COLEC12: variants seen among roughly 807,000 people sequenced by gnomAD.
The protein encoded by COLEC12 is collectin subfamily member 12.
A neutral mutation model predicts 71.1 loss-of-function variants in COLEC12; 33 were observed. The observed-to-expected ratio is 0.46, with a 90% CI of 0.35 to 0.62. The LOEUF (loss-of-function observed/expected upper bound fraction) is 0.62, where lower values mean the gene tolerates loss of function less well. COLEC12 is among the 20% of genes least tolerant of loss of function. The probability of loss-of-function intolerance (pLI) is 0.00; values close to 1 mark genes in which losing one functional copy is unlikely to be tolerated. For missense variants in COLEC12, 765 were observed against 916.1 expected (o/e 0.84, Z 2.13); for synonymous variants, 350 against 353.0 (o/e 0.99, Z 0.10).
chr18:338,984 A>ATTTTTTTTTTTTTT (rs33991062), intron 5 of COLEC12, among the ~76,000 whole-genome samples: 1 of 144,486 alleles, frequency 6.9e-6, no homozygotes, highest in Non-Finnish European at 1.5e-5. Context: ...TATTGTCTTA[A>ATTTTTTTTTTTTTT]TTTTTTTTTT....
intron 3 of COLEC12, 69 bp from the exon 4 acceptor site, chr18:348,232 G>C: frequency 1.0e-6 from 1 of 959,684 alleles, no homozygotes; most frequent in Admixed American, 1.9e-5. Flanking sequence ...TTCAAAACAA[G>C]AGATCATTTC....
At chr18:344,991 A>G (rs1914338831) in intron 5 of COLEC12, among the ~76,000 whole-genome samples, 1 of 152,236 alleles carries the variant, frequency 6.6e-6, no homozygotes, top group African/African-American at 2.4e-5. Context: ...ACAGGGGCTT[A>G]TTAACTACCA....
chr18:364,013 G>T (rs1033315780), intron 2 of COLEC12, among the ~76,000 whole-genome samples: 1 of 152,068 alleles, frequency 6.6e-6, no homozygotes, highest in South Asian at 2.1e-4. Context: ...TGTTCAAACC[G>T]GAAAAGTTAC....
At position 443,174 on chromosome 18, in the gene COLEC12, C is replaced by T. The variant is rs528664774; in HGVS notation, c.58+37533G>A. ...TATTCTGTATGTATATATTCTCTTT[C>T]CAATTGCTTTGTAAGCTCTTAAAAA... On this transcript the variant is annotated intron_variant, in intron 2 of 9. Transcript: ENST00000400256. Among the ~76,000 whole-genome samples the T allele has an allele frequency of 2.0e-5, 3 of 152,326 alleles. 1 individual carries two copies. The South Asian group carries it at 6.2e-4, about 32-fold the overall frequency.
chr18:462,166 T>C (rs954512823), intron 2 of COLEC12, among the ~76,000 whole-genome samples: 2 of 152,184 alleles, frequency 1.3e-5, no homozygotes, highest in Non-Finnish European at 2.9e-5. Context: ...AGTTATCATG[T>C]GCCTCAGCAA....
chr18:371,001 A>G (rs780389725), intron 2 of COLEC12, among the ~76,000 whole-genome samples: 18 of 152,250 alleles, frequency 1.2e-4, no homozygotes, highest in Non-Finnish European at 2.4e-4. Context: ...GAAGAATACA[A>G]TGAAGTCTGG....
At chr18:394,420 T>C (rs1282234219) in intron 2 of COLEC12, among the ~76,000 whole-genome samples, 1 of 152,242 alleles carries the variant, frequency 6.6e-6, no homozygotes, top group East Asian at 1.9e-4. Flanking sequence ...GCTAGAACAG[T>C]GGGTTTCTCG....
At position 357,355 on chromosome 18, in the gene COLEC12, A is replaced by G. The variant is rs777021620; in HGVS notation, c.181+45T>C. On this transcript the variant is annotated intron_variant, in intron 3 of 9. Coordinates refer to ENST00000400256, the MANE Select transcript of COLEC12 (RefSeq NM_130386.3). ...GAGTTTTCTCATGCTTAAATTAATG[A>G]AGGAACACTTGTTATTTGGAAGAAA... The G allele has an allele frequency of 1.0e-5, 16 of 1,555,576 alleles. No individual in the cohort carries two copies. The South Asian group carries it at 1.7e-4, about 17-fold the overall frequency.
intron 2 of COLEC12, among the ~76,000 whole-genome samples, chr18:420,117 T>C (rs1257888657): frequency 6.6e-6 from 1 of 151,958 alleles, no homozygotes. Context: ...CAGAGGAGAG[T>C]TGTGTCTGCT....
At position 404,522 on chromosome 18, in the gene COLEC12, G is replaced by A. The variant is rs1055225812; in HGVS notation, c.59-47000C>T. On this transcript the variant is annotated intron_variant, in intron 2 of 9. Coordinates refer to ENST00000400256, the MANE Select transcript of COLEC12 (RefSeq NM_130386.3). ...ATGGAGTCACACATGAATTTAAAGTGGGACGAAGGGTGGTGTTGTGGGAAG... is the reference window on the plus strand; with the variant it reads ...ATGGAGTCACACATGAATTTAAAGTAGGACGAAGGGTGGTGTTGTGGGAAG... Among the ~76,000 whole-genome samples the A allele has an allele frequency of 2.6e-5, 4 of 152,178 alleles. No individual in the cohort carries two copies. The East Asian group carries it at 7.7e-4, about 29-fold the overall frequency.
chr18:339,168 C>T (rs1253981601), intron 5 of COLEC12, among the ~76,000 whole-genome samples: 1 of 152,134 alleles, frequency 6.6e-6, no homozygotes, highest in Non-Finnish European at 1.5e-5. Flanking sequence ...TCCAGAACAC[C>T]TTCTTCTAGC....
In COLEC12 at chr18:319,419, C is replaced by T. The variant is rs1567871143; in HGVS notation, c.*626G>A. The stretch of plus-strand genomic sequence containing the variant: ...CCACAATTGAAAAAATTCTTTGCCA[C>T]TGGGTAGAATTAAATCTGACAGGAA... On this transcript the variant is annotated 3_prime_UTR_variant, in exon 10 of 10. Transcript: ENST00000400256. 1.4e-5 allele frequency: 2 copies of T among 140,508 alleles called. No homozygotes were observed. Among genetic ancestry groups the T allele is most frequent in the African/African-American group, 5.3e-5 (2 of 37,968 alleles). 8.7% of individuals were successfully genotyped at this position (140,508 alleles called of 1,614,324 possible).
chr18:500,625 C>T lies in COLEC12; in HGVS notation c.-111G>A, dbSNP rs1483220863. On this transcript the variant is annotated 5_prime_UTR_variant, in exon 1 of 10. Coordinates refer to ENST00000400256, the MANE Select transcript of COLEC12 (RefSeq NM_130386.3). This position sits in a 1 kb window ranked among gnomAD's most constrained non-coding sequence, Gnocchi z 5.3. Reference sequence around the variant, plus strand: ...GCACGCCCATGGTAGCCGCGCCGCGCGCCGGCCGTCTGCGCCCCCGTCCTC... The same window carrying T: ...GCACGCCCATGGTAGCCGCGCCGCGTGCCGGCCGTCTGCGCCCCCGTCCTC... The T allele has an allele frequency of 5.4e-6, 5 of 923,280 alleles. No homozygotes were observed. Among genetic ancestry groups the T allele is most frequent in the Non-Finnish European group, 4.1e-6 (3 of 725,882 alleles). 57.2% of individuals were successfully genotyped at this position (923,280 alleles called of 1,614,324 possible). A position where few individuals can be genotyped will look rare whatever the true frequency, so the allele number is the denominator to read the frequency against.
At chr18:411,487 G>C (rs1242448846) in intron 2 of COLEC12, among the ~76,000 whole-genome samples, 1 of 151,238 alleles carries the variant, frequency 6.6e-6, no homozygotes, top group African/African-American at 2.4e-5. Context: ...CAAACAAAGA[G>C]AAAAAAAAGC....
intron 2 of COLEC12, among the ~76,000 whole-genome samples, chr18:375,085 C>T (rs1915083816): frequency 6.6e-6 from 1 of 152,244 alleles, no homozygotes; most frequent in African/African-American, 2.4e-5. Context: ...GGAGCAGCAG[C>T]TGCAGTGCAC....
chr18:398,157 G>C (rs1915609617), intron 2 of COLEC12, among the ~76,000 whole-genome samples: 1 of 152,186 alleles, frequency 6.6e-6, no homozygotes, highest in African/African-American at 2.4e-5. Flanking sequence ...TGAGAAACTG[G>C]AGAAGAATAT....
rs181043475 is a variant in COLEC12 at position 484,569 on chromosome 18, C to T, written c.8-3812G>A. On this transcript the variant is annotated intron_variant, in intron 1 of 9. Transcript: ENST00000400256. ...ATACAGAAGTGCCTTAAATCAGTCTCTCTCAATGTTTTTGTTTTTTGGGGG... is the reference window on the plus strand; with the variant it reads ...ATACAGAAGTGCCTTAAATCAGTCTTTCTCAATGTTTTTGTTTTTTGGGGG... Among the ~76,000 whole-genome samples, 37 of 152,254 alleles carry T rather than the reference C, an allele frequency of 2.4e-4. No individual in the cohort carries two copies. The East Asian group carries it at 7.1e-3, about 29-fold the overall frequency.
chr18:497,450 G>A (rs1478064793), intron 1 of COLEC12, among the ~76,000 whole-genome samples: 3 of 150,936 alleles, frequency 2.0e-5, no homozygotes, highest in South Asian at 2.1e-4. Flanking sequence ...TGTCACCTGC[G>A]CTGAAGTGCA....
In COLEC12 at chr18:500,644, C is replaced by A. The variant is rs865850916; in HGVS notation, c.-130G>T. 6.0e-6 allele frequency: 4 copies of A among 667,126 alleles called. No individual in the cohort carries two copies. Among genetic ancestry groups the A allele is most frequent in the East Asian group, 5.3e-5 (1 of 18,998 alleles). The allele number at this position is 667,126 out of a possible 1,614,324, so 41.3% of individuals were successfully genotyped here. On this transcript the variant is annotated 5_prime_UTR_variant, in exon 1 of 10. Coordinates refer to ENST00000400256, the MANE Select transcript of COLEC12 (RefSeq NM_130386.3). This position sits in a 1 kb window ranked among gnomAD's most constrained non-coding sequence, Gnocchi z 5.3. ...GCCGCGCGCCGGCCGTCTGCGCCCC[C>A]GTCCTCCCTCGCCGCCGCCGGCCCG...
Sources: allele counts gnomAD v4.1 joint callset (sites outside exome capture counted in the v4.1 genomes callset), GRCh38; gene constraint gnomAD v4.1.1; non-coding constraint Gnocchi (gnomAD v3.1); transcripts MANE v1.5; gene names NCBI Gene and HGNC (gene_info 2026-07-23, HGNC 2026-07-21).